KHDRBS1: variants seen among roughly 807,000 people sequenced by gnomAD.
KHDRBS1 encodes the protein KH RNA binding domain containing, signal transduction associated 1.
KHDRBS1 carries 7 observed loss-of-function variants against 48.4 expected under a neutral mutation model. The observed-to-expected ratio is 0.14, with a 90% CI of 0.08 to 0.27. KHDRBS1 has a LOEUF of 0.27. KHDRBS1 is among the 10% of genes least tolerant of loss of function. The probability of loss-of-function intolerance (pLI) is 1.00; values close to 1 mark genes in which losing one functional copy is unlikely to be tolerated. For synonymous variants in KHDRBS1, 241 were observed against 235.8 expected (o/e 1.02, Z -0.20); for missense variants, 458 against 601.2 (o/e 0.76, Z 2.49).
chr1:32,056,815 A>G (rs1639483966), intron 10 of KHDRBS1, among the ~76,000 whole-genome samples: 1 of 152,236 alleles, frequency 6.6e-6, no homozygotes, highest in Non-Finnish European at 1.5e-5. Flanking sequence ...ATTTTTAAAA[A>G]TACATTCACT....
chr1:32,025,292 CTTT>C (rs576339772), intron 1 of KHDRBS1, among the ~76,000 whole-genome samples: 4 of 92,092 alleles, frequency 4.3e-5, no homozygotes, highest in East Asian at 7.5e-4. Flanking sequence ...TCGGCTCCTC[CTTT>C]TTTTTTTTTT....
At chr1:32,016,036 C>A (rs975859837) in intron 1 of KHDRBS1, among the ~76,000 whole-genome samples, 7 of 151,814 alleles carry the variant, frequency 4.6e-5, no homozygotes, top group African/African-American at 1.7e-4. Context: ...AAATTAGCTT[C>A]GCGTGGTGGC....
At chr1:32,044,012 T>C (rs1044880518), downstream of KHDRBS1, 1 of 152,326 alleles carries the variant, frequency 6.6e-6, no homozygotes, top group Non-Finnish European at 1.5e-5. Context: ...GGGGGGATTT[T>C]ATTTTAAGTT....
chr1:32,023,619 A>C (rs1345737694), intron 1 of KHDRBS1, among the ~76,000 whole-genome samples: 2 of 152,196 alleles, frequency 1.3e-5, no homozygotes, highest in Non-Finnish European at 2.9e-5. Context: ...CAGTTCCAAA[A>C]GGGTTGTCTA....
chr1:32,018,983 T>C (rs917913233), intron 1 of KHDRBS1, among the ~76,000 whole-genome samples: 1 of 150,978 alleles, frequency 6.6e-6, no homozygotes, highest in Non-Finnish European at 1.5e-5. Context: ...TAATTCCAGC[T>C]ACTCAGGAGG....
In KHDRBS1 at chr1:32,042,665, G is replaced by C; in HGVS notation, c.*41G>C. On this transcript the variant is annotated 3_prime_UTR_variant, in exon 9 of 9. Coordinates refer to ENST00000327300, the MANE Select transcript of KHDRBS1 (RefSeq NM_006559.3). The stretch of plus-strand genomic sequence containing the variant: ...GAAAATATCAGTTATGAGCAAAGTT[G>C]TTACTGATTTCTTGTATCTCCCAGG... 3 of 1,220,902 alleles carry C rather than the reference G, an allele frequency of 2.5e-6. No homozygotes were observed. The highest frequency in any genetic ancestry group is 3.6e-6 in the Non-Finnish European group (3 of 828,024). The allele number at this position is 1,220,902 out of a possible 1,614,324, so 75.6% of individuals were successfully genotyped here. A position where few individuals can be genotyped will look rare whatever the true frequency, so the allele number is the denominator to read the frequency against.
chr1:32,023,771 C>T (rs1013940663), intron 1 of KHDRBS1, among the ~76,000 whole-genome samples: 3 of 152,156 alleles, frequency 2.0e-5, no homozygotes, highest in Admixed American at 2.0e-4. Context: ...AAAAGAAAGA[C>T]CAGACCATCA....
intron 7 of KHDRBS1, 79 bp downstream of exon 7, chr1:32,038,698 G>A: frequency 7.3e-7 from 1 of 1,373,282 alleles, no homozygotes; most frequent in Non-Finnish European, 1.0e-6. Flanking sequence ...GATTTAGACA[G>A]TACAACCCTA....
At chr1:32,031,679 C>A in intron 3 of KHDRBS1, 39 bp downstream of exon 3, 1 of 1,305,778 alleles carries the variant, frequency 7.7e-7, no homozygotes, top group Non-Finnish European at 1.1e-6. Flanking sequence ...CATCCTAATG[C>A]CTTCTACTTG....
chr1:32,055,940 T>A (rs941508770), intron 10 of KHDRBS1, among the ~76,000 whole-genome samples: 1 of 152,206 alleles, frequency 6.6e-6, no homozygotes, highest in South Asian at 2.1e-4. Flanking sequence ...CAGTCTCATC[T>A]AGTGTTCTGC....
intron 3 of KHDRBS1, 112 bp downstream of exon 3, chr1:32,031,752 G>A: frequency 1.6e-6 from 1 of 611,566 alleles, no homozygotes; most frequent in Non-Finnish European, 2.8e-6. Context: ...ACAGAATGTG[G>A]CTCCTTTAAG....
chr1:32,035,272 T>C (rs979208939), intron 4 of KHDRBS1, among the ~76,000 whole-genome samples: 1 of 152,058 alleles, frequency 6.6e-6, no homozygotes, highest in Non-Finnish European at 1.5e-5. Flanking sequence ...TCAGTGTTGA[T>C]GTGGCAGTTG....
At chr1:32,022,525 T>C (rs1638879594) in intron 1 of KHDRBS1, among the ~76,000 whole-genome samples, 1 of 152,158 alleles carries the variant, frequency 6.6e-6, no homozygotes, top group Non-Finnish European at 1.5e-5. Flanking sequence ...AGAATCTTGC[T>C]CTCCTAGAAA....
chr1:32,031,474 T>A (rs1174844278), intron 2 of KHDRBS1, 50 bp from the exon 3 acceptor site: 10 of 1,145,998 alleles, frequency 8.7e-6, no homozygotes, highest in Non-Finnish European at 8.8e-6. Flanking sequence ...TATGTGGAAA[T>A]GTTTTTATAT....
intron 1 of KHDRBS1, among the ~76,000 whole-genome samples, chr1:32,021,362 A>G (rs901603688): frequency 1.3e-5 from 2 of 152,022 alleles, no homozygotes; most frequent in Non-Finnish European, 1.5e-5. Context: ...TGGGTTGCTA[A>G]TCAGTAGCTT....
rs1161476520 is a variant in KHDRBS1 at position 32,037,765 on chromosome 1, T to G, written c.906-70T>G. 4 of 1,546,458 alleles carry G rather than the reference T, an allele frequency of 2.6e-6. No homozygotes were observed. In the African/African-American group the frequency reaches 5.5e-5, roughly 21 times the overall value. ...AAAATCTGCCTAATTCCAGAATTTG[T>G]AAACAAATCAGAACATAAAAGTGGC... On this transcript the variant is annotated intron_variant, in intron 5 of 8. Transcript: ENST00000327300.
intron 4 of KHDRBS1, 99 bp from the exon 5 acceptor site, chr1:32,036,811 C>G: frequency 7.4e-7 from 1 of 1,343,812 alleles, no homozygotes; most frequent in Admixed American, 2.2e-5. Context: ...TCTGGGCTCT[C>G]AAGAGCTCTT....
At chr1:32,030,513 C>A in intron 2 of KHDRBS1, 91 bp downstream of exon 2, 1 of 1,080,522 alleles carries the variant, frequency 9.3e-7, no homozygotes, top group Non-Finnish European at 1.3e-6. Flanking sequence ...GATTGTGATG[C>A]TTTAGAAACT....
chr1:32,030,843 T>C (rs1200815309), intron 2 of KHDRBS1, among the ~76,000 whole-genome samples: 1 of 146,548 alleles, frequency 6.8e-6, no homozygotes, highest in Non-Finnish European at 1.5e-5. Flanking sequence ...TTTTCTTCCT[T>C]TTTTTTTTTT....
Sources: allele counts gnomAD v4.1 joint callset (sites outside exome capture counted in the v4.1 genomes callset), GRCh38; gene constraint gnomAD v4.1.1; transcripts MANE v1.5; gene names NCBI Gene and HGNC (gene_info 2026-07-23, HGNC 2026-07-21).